The following VPS45 variants were observed in gnomAD, a reference collection of about 807,000 sequenced individuals.
The protein encoded by VPS45 is vacuolar protein sorting-associated protein 45.
Under a neutral mutation model 75.9 loss-of-function variants are expected in VPS45, and 35 were observed. The ratio of observed to expected loss-of-function variants is 0.46; its 90% CI spans 0.35 to 0.61. The LOEUF is 0.61. VPS45 is among the 20% of genes least tolerant of loss of function. VPS45 has a pLI of 0.00. For synonymous variants in VPS45, 220 were observed against 238.2 expected (o/e 0.92, Z 0.70); for missense variants, 559 against 685.9 (o/e 0.81, Z 2.07).
chr1:150,113,504 G>A (rs1553807626), intron 14 of VPS45, among the ~76,000 whole-genome samples: 1 of 152,142 alleles, frequency 6.6e-6, no homozygotes, highest in Non-Finnish European at 1.5e-5. Context: ...TATTCCTCAT[G>A]CTCCCTCCTT....
intron 8 of VPS45, among the ~76,000 whole-genome samples, 186 bp from the exon 9 acceptor site, chr1:150,081,698 C>T (rs1211782059): frequency 6.6e-6 from 1 of 152,134 alleles, no homozygotes; most frequent in African/African-American, 2.4e-5. Context: ...CTCTCCCCTC[C>T]AGTAGCTGTT....
chr1:150,104,683 T>C (rs1434907296), intron 13 of VPS45, among the ~76,000 whole-genome samples: 1 of 152,168 alleles, frequency 6.6e-6, no homozygotes, highest in African/African-American at 2.4e-5. Flanking sequence ...GATCCTCCCA[T>C]CTCAGTGCCC....
intron 14 of VPS45, among the ~76,000 whole-genome samples, chr1:150,115,746 C>T (rs1195088576): frequency 6.6e-6 from 1 of 152,178 alleles, no homozygotes; most frequent in African/African-American, 2.4e-5. Flanking sequence ...AGCATATCTC[C>T]TTGTGCAGAT....
chr1:150,079,112 CAA>C (rs11301300), intron 7 of VPS45, among the ~76,000 whole-genome samples: 2 of 135,354 alleles, frequency 1.5e-5, no homozygotes, highest in African/African-American at 2.8e-5. Flanking sequence ...ACTCTTGTCT[CAA>C]AAAAAAAAAA....
At chr1:150,117,212 A>AAAT (rs369167281) in intron 14 of VPS45, among the ~76,000 whole-genome samples, 30 of 150,424 alleles carry the variant, frequency 2.0e-4, no homozygotes, top group South Asian at 6.3e-4. Flanking sequence ...AAAAATAATA[A>AAAT]AATAATAATA....
intron 4 of VPS45, 60 bp downstream of exon 4, chr1:150,076,372 T>TA: frequency 7.3e-7 from 1 of 1,368,420 alleles, no homozygotes; most frequent in Non-Finnish European, 1.0e-6. Context: ...TATTTGAGTC[T>TA]AAAAATAAAA....
At chr1:150,094,490 G>A (rs1428278618) in intron 13 of VPS45, among the ~76,000 whole-genome samples, 3 of 151,880 alleles carry the variant, frequency 2.0e-5, no homozygotes, top group Non-Finnish European at 4.4e-5. Flanking sequence ...GTGATAAAGT[G>A]TATTTTTTCA....
intron 12 of VPS45, among the ~76,000 whole-genome samples, chr1:150,092,837 CTTTTTTTT>C (rs11451750): frequency 1.1e-5 from 1 of 94,452 alleles, no homozygotes; most frequent in African/African-American, 4.2e-5. Flanking sequence ...GCTAGCCTTT[CTTTTTTTT>C]TTTTTTTTTT....
At chr1:150,142,872 C>T (rs1234780948) in intron 14 of VPS45, 13 of 450,732 alleles carry the variant, frequency 2.9e-5, no homozygotes, top group African/African-American at 1.4e-4. Context: ...TGCCTGGTTT[C>T]GAACTCCTGG....
At chr1:150,100,841 T>C (rs758575312) in intron 13 of VPS45, among the ~76,000 whole-genome samples, 1 of 152,076 alleles carries the variant, frequency 6.6e-6, no homozygotes, top group Non-Finnish European at 1.5e-5. Flanking sequence ...TCAAGATTGA[T>C]TAAAGACAAA....
Position 150,114,877 on chromosome 1 carries a change from C to G in VPS45, c.1625+4250C>G, listed in dbSNP as rs1224955214. ...TGAGCCGTGATCATGTCACCACCCC[C>G]CAGCCTATCTGAACAAGACCCTGTC... is the stretch of plus-strand genomic sequence containing the variant. On this transcript the variant is annotated intron_variant, in intron 14 of 14. Transcript: ENST00000644510. Among the ~76,000 whole-genome samples, 3 of 148,440 alleles carry G rather than the reference C, an allele frequency of 2.0e-5. No homozygotes were observed. The Admixed American group carries it at 2.1e-4, about 10-fold the overall frequency.
chr1:150,125,321 T>G (rs1418072315), intron 14 of VPS45, among the ~76,000 whole-genome samples: 3 of 149,464 alleles, frequency 2.0e-5, no homozygotes, highest in Non-Finnish European at 4.5e-5. Flanking sequence ...GATATGTATT[T>G]TTTATTTTTT....
intron 14 of VPS45, among the ~76,000 whole-genome samples, chr1:150,125,465 A>G (rs967782105): frequency 1.1e-4 from 16 of 151,404 alleles, no homozygotes; most frequent in African/African-American, 2.4e-4. Context: ...CCATTAACTC[A>G]TCATTTAAAA....
intron 10 of VPS45, among the ~76,000 whole-genome samples, chr1:150,090,613 G>A (rs1002694465): frequency 2.0e-5 from 3 of 152,058 alleles, no homozygotes; most frequent in South Asian, 2.1e-4. Context: ...AAAAATACTA[G>A]CATGGTTAAA....
intron 14 of VPS45, among the ~76,000 whole-genome samples, chr1:150,137,632 A>G (rs1486416154): frequency 3.3e-5 from 5 of 152,184 alleles, no homozygotes; most frequent in African/African-American, 9.7e-5. Flanking sequence ...ATATCCTGCT[A>G]TGCTGGGCAC....
chr1:150,098,635 G>A (rs1553803552), intron 13 of VPS45, among the ~76,000 whole-genome samples: 2 of 152,058 alleles, frequency 1.3e-5, no homozygotes, highest in Non-Finnish European at 2.9e-5. Flanking sequence ...AGGTTTTATT[G>A]TTGCTATAAT....
chr1:150,143,445 C>T (rs115611531), intron 14 of VPS45, among the ~76,000 whole-genome samples: 1 of 151,992 alleles, frequency 6.6e-6, no homozygotes, highest in Non-Finnish European at 1.5e-5. Flanking sequence ...AAAAATTAGC[C>T]AGCATGGTAG....
intron 13 of VPS45, among the ~76,000 whole-genome samples, chr1:150,094,326 T>C (rs999272352): frequency 6.6e-6 from 1 of 152,140 alleles, no homozygotes; most frequent in Non-Finnish European, 1.5e-5. Flanking sequence ...TTGAATCCTA[T>C]TGGATAGATT....
At chr1:150,096,581 AAG>A (rs1369658759) in intron 13 of VPS45, among the ~76,000 whole-genome samples, 5 of 152,182 alleles carry the variant, frequency 3.3e-5, no homozygotes, top group African/African-American at 1.2e-4. Flanking sequence ...CAATCTTGAA[AAG>A]AGAAGGAGAA....
Sources: allele counts gnomAD v4.1 joint callset (sites outside exome capture counted in the v4.1 genomes callset), GRCh38; gene constraint gnomAD v4.1.1; transcripts MANE v1.5; gene names NCBI Gene and HGNC (gene_info 2026-07-23, HGNC 2026-07-21).